The following PTPRD variants were observed in gnomAD, a reference collection of about 807,000 sequenced individuals.
The protein encoded by PTPRD is receptor-type tyrosine-protein phosphatase delta.
Under a neutral mutation model 214.5 loss-of-function variants are expected in PTPRD, and 34 were observed. The ratio of observed to expected loss-of-function variants is 0.16; its 90% CI spans 0.12 to 0.21. The LOEUF (loss-of-function observed/expected upper bound fraction) is 0.21, where lower values mean the gene tolerates loss of function less well. Ranked by LOEUF, PTPRD falls within the 10% of genes least tolerant of loss-of-function variation. PTPRD has a pLI of 1.00. For missense variants in PTPRD, 2,545 were observed against 2,398.7 expected (o/e 1.06, Z -1.27); for synonymous variants, 1,128 against 845.7 (o/e 1.33, Z -5.79).
intron 2 of PTPRD, among the ~76,000 whole-genome samples, chr9:10,487,719 G>C (rs1481694083): frequency 2.0e-5 from 3 of 151,788 alleles, no homozygotes; most frequent in African/African-American, 4.8e-5. Context: ...GAGGGTGAGG[G>C]GAGGGAACTT....
intron 2 of PTPRD, among the ~76,000 whole-genome samples, chr9:10,432,077 C>T (rs887303271): frequency 8.6e-5 from 13 of 151,850 alleles, no homozygotes; most frequent in African/African-American, 2.4e-4. Context: ...AAATGTGGCA[C>T]ATATACAACA....
At chr9:8,352,516 C>G (rs1354954678) in intron 39 of PTPRD, among the ~76,000 whole-genome samples, 1 of 152,122 alleles carries the variant, frequency 6.6e-6, no homozygotes, top group African/African-American at 2.4e-5. Context: ...TTTACCAGGC[C>G]TGCCAAGTAA....
chr9:8,993,848 G>A (rs184395786), intron 11 of PTPRD, among the ~76,000 whole-genome samples: 164 of 152,142 alleles, frequency 1.1e-3, no homozygotes, highest in South Asian at 2.3e-3. Context: ...TTATACAACA[G>A]CTCATTTATA....
intron 5 of PTPRD, among the ~76,000 whole-genome samples, chr9:9,873,049 A>G (rs1226566993): frequency 6.6e-6 from 1 of 152,180 alleles, no homozygotes; most frequent in Non-Finnish European, 1.5e-5. Context: ...GAAATAATCT[A>G]TATAATAGGA....
At chr9:9,503,121 A>C (rs1293819409) in intron 8 of PTPRD, among the ~76,000 whole-genome samples, 3 of 151,784 alleles carry the variant, frequency 2.0e-5, no homozygotes, top group Admixed American at 1.3e-4. Context: ...AGGTCAAAGA[A>C]GGGACTTGGT....
At chr9:9,821,067 A>C (rs939734844) in intron 5 of PTPRD, among the ~76,000 whole-genome samples, 1 of 152,168 alleles carries the variant, frequency 6.6e-6, no homozygotes, top group Non-Finnish European at 1.5e-5. Flanking sequence ...TGCTTCGGGC[A>C]GTATGTCCAT....
chr9:8,759,203 G>A (rs751312219), intron 11 of PTPRD, among the ~76,000 whole-genome samples: 11 of 151,736 alleles, frequency 7.2e-5, no homozygotes, highest in Non-Finnish European at 1.0e-4. Flanking sequence ...TTTATTTTTT[G>A]TAGAGATAAG....
At chr9:8,831,789 A>T (rs533123589) in intron 11 of PTPRD, among the ~76,000 whole-genome samples, 2 of 152,340 alleles carry the variant, frequency 1.3e-5, no homozygotes, top group Non-Finnish European at 2.9e-5. Flanking sequence ...TACATTGTAA[A>T]CACTGCAAAA....
intron 2 of PTPRD, among the ~76,000 whole-genome samples, chr9:10,408,134 T>C (rs1358239440): frequency 6.6e-6 from 1 of 151,504 alleles, no homozygotes; most frequent in Admixed American, 6.6e-5. Flanking sequence ...TTCTTCTACC[T>C]TTCTTGTGAC....
intron 11 of PTPRD, among the ~76,000 whole-genome samples, chr9:8,782,743 GCA>G (rs1337541797): frequency 6.6e-6 from 1 of 151,570 alleles, no homozygotes; most frequent in South Asian, 2.1e-4. Context: ...GATTACAGGC[GCA>G]CACCACCACC....
chr9:9,660,778 T>A (rs1037603058), intron 7 of PTPRD, among the ~76,000 whole-genome samples: 1 of 151,946 alleles, frequency 6.6e-6, no homozygotes, highest in Non-Finnish European at 1.5e-5. Context: ...ATACACAGAT[T>A]ATGCATAGAA....
At chr9:9,726,834 A>G (rs2098102675) in intron 7 of PTPRD, among the ~76,000 whole-genome samples, 1 of 152,162 alleles carries the variant, frequency 6.6e-6, no homozygotes, top group Admixed American at 6.5e-5. Context: ...TGAAAAATGG[A>G]TAGGAGTGTC....
At chr9:9,123,643 A>G (rs10977504) in intron 10 of PTPRD, among the ~76,000 whole-genome samples, 1 of 152,326 alleles carries the variant, frequency 6.6e-6, no homozygotes, top group East Asian at 1.9e-4. Flanking sequence ...TTAGAGGTTA[A>G]AAAGCAATTA....
At chr9:9,409,940 A>C (rs1437495981) in intron 8 of PTPRD, among the ~76,000 whole-genome samples, 1 of 152,180 alleles carries the variant, frequency 6.6e-6, no homozygotes, top group Non-Finnish European at 1.5e-5. Flanking sequence ...CATATGAATA[A>C]ATGAAATGTG....
chr9:10,363,991 G>GTTTTTTTGTTTTTTTTTTTTTTTTTTT lies in PTPRD; in HGVS notation c.-599-22975_-599-22974insAAAAAAAAAAAAAAAAAAACAAAAAAA, dbSNP rs1485501417. On this transcript the variant is annotated intron_variant, in intron 2 of 45. Coordinates refer to ENST00000381196, the MANE Select transcript of PTPRD (RefSeq NM_002839.4). ...ATTATTATTGCCTCCACATTTTCGG[G>GTTTTTTTGTTTTTTTTTTTTTTTTTTT]TTTTTTTTTTTTTTTTTTTTTTTTT... 5.7e-5 allele frequency among the ~76,000 whole-genome samples: 2 copies of GTTTTTTTGTTTTTTTTTTTTTTTTTTT among 35,132 alleles called. 1 individual carries two copies. The highest frequency in any genetic ancestry group is 2.5e-4 in the African/African-American group (2 of 8,092). The allele number at this position is 35,132 out of a possible 152,430, so 23.0% of individuals were successfully genotyped here.
intron 21 of PTPRD, 30 bp downstream of exon 21, chr9:8,517,818 T>C (rs2138442098): frequency 6.3e-7 from 1 of 1,577,464 alleles, no homozygotes. Flanking sequence ...CCTTCCCTCC[T>C]GCCCTATTTC....
chr9:9,558,916 G>T (rs1314137748), intron 8 of PTPRD, among the ~76,000 whole-genome samples: 1 of 152,150 alleles, frequency 6.6e-6, no homozygotes, highest in South Asian at 2.1e-4. Context: ...TGTTGCATTA[G>T]GACTACAGGT....
chr9:8,974,915 C>T (rs201989740), intron 11 of PTPRD, among the ~76,000 whole-genome samples: 1 of 151,324 alleles, frequency 6.6e-6, no homozygotes, highest in Non-Finnish European at 1.5e-5. Flanking sequence ...TGGCCAACAT[C>T]GTGAAACCCC....
chr9:8,775,620 A>G (rs2381902), intron 11 of PTPRD, among the ~76,000 whole-genome samples: 108,169 of 152,102 alleles, frequency 0.71, 38,500 homozygotes, highest in Middle Eastern at 0.81. Context: ...AGGGGTACAT[A>G]CACAGGTTTA....
Sources: allele counts gnomAD v4.1 joint callset (sites outside exome capture counted in the v4.1 genomes callset), GRCh38; gene constraint gnomAD v4.1.1; transcripts MANE v1.5; gene names NCBI Gene and HGNC (gene_info 2026-07-23, HGNC 2026-07-21).